EMC7: variants seen among roughly 807,000 people sequenced by gnomAD.
The protein encoded by EMC7 is ER membrane protein complex subunit 7.
In EMC7, 4 loss-of-function variants were observed where a neutral mutation model predicts 24.4. That is an observed-to-expected ratio of 0.16 (90% confidence interval 0.08 to 0.38). The LOEUF (loss-of-function observed/expected upper bound fraction) is 0.38, where lower values mean the gene tolerates loss of function less well. Ranked by LOEUF, EMC7 falls within the 10% of genes least tolerant of loss-of-function variation. The pLI is 1.00. For missense variants in EMC7, 221 were observed against 300.6 expected (o/e 0.74, Z 1.96); for synonymous variants, 106 against 112.0 (o/e 0.95, Z 0.34).
At chr15:34,098,457 C>CTTTTT (rs560201784) in intron 1 of EMC7, among the ~76,000 whole-genome samples, 30 of 132,304 alleles carry the variant, frequency 2.3e-4, no homozygotes, top group East Asian at 4.3e-4. Flanking sequence ...TTCTTTCTTT[C>CTTTTT]TTTTTTTTTT....
At chr15:34,093,567 T>C (rs1901011735) in intron 2 of EMC7, among the ~76,000 whole-genome samples, 1 of 150,576 alleles carries the variant, frequency 6.6e-6, no homozygotes, top group South Asian at 2.1e-4. Context: ...TAAAAAAAAA[T>C]ACAAGTATTC....
intron 3 of EMC7, among the ~76,000 whole-genome samples, chr15:34,088,665 G>A (rs1900929405): frequency 6.6e-6 from 1 of 151,920 alleles, no homozygotes; most frequent in African/African-American, 2.4e-5. Context: ...GAACATGGAA[G>A]GTGAATAAGC....
intron 3 of EMC7, among the ~76,000 whole-genome samples, chr15:34,089,727 CG>C (rs1567502093): frequency 6.6e-6 from 1 of 152,170 alleles, no homozygotes; most frequent in East Asian, 1.9e-4. Context: ...GAGGCCGAGG[CG>C]GGCAGATCAC....
At chr15:34,094,177 G>A (rs1015427851) in intron 2 of EMC7, among the ~76,000 whole-genome samples, 2 of 151,730 alleles carry the variant, frequency 1.3e-5, no homozygotes, top group African/African-American at 4.8e-5. Context: ...GGCCAAAGTG[G>A]GCAGATCACT....
intron 4 of EMC7, among the ~76,000 whole-genome samples, chr15:34,086,612 A>G (rs1900892910): frequency 6.6e-6 from 1 of 152,188 alleles, no homozygotes; most frequent in Admixed American, 6.5e-5. Context: ...TGTATTTAGT[A>G]GAGACGGGGT....
chr15:34,092,819 A>G (rs575546175), intron 2 of EMC7, among the ~76,000 whole-genome samples: 1 of 152,312 alleles, frequency 6.6e-6, no homozygotes, highest in African/African-American at 2.4e-5. Context: ...AAAGGCAATG[A>G]AAACTTTATA....
At chr15:34,099,811 C>G (rs753718247) in intron 1 of EMC7, among the ~76,000 whole-genome samples, 1 of 150,918 alleles carries the variant, frequency 6.6e-6, no homozygotes, top group Non-Finnish European at 1.5e-5. Context: ...CACTATGTTG[C>G]CCCAGCTGGT....
chr15:34,098,177 C>T (rs900407448), intron 1 of EMC7, among the ~76,000 whole-genome samples: 1 of 152,104 alleles, frequency 6.6e-6, no homozygotes, highest in African/African-American at 2.4e-5. Context: ...ACTGACAGGC[C>T]ACCTCTGACT....
In EMC7 at chr15:34,097,039, C is replaced by CTT. The variant is rs553769836; in HGVS notation, c.237-1027_237-1026dup. ...CAATTTTTGGTTTTCTGTTCTTCTT[C>CTT]TTTTTTTTTTTTGAGACGGAGTCTC... On this transcript the variant is annotated intron_variant, in intron 1 of 4. Transcript: ENST00000256545. Among the ~76,000 whole-genome samples the CTT allele has an allele frequency of 2.4e-4, 23 of 97,614 alleles. 3 individuals carry two copies. The East Asian group carries it at 2.4e-3, about 10-fold the overall frequency. The allele number at this position is 97,614 out of a possible 152,430, so 64.0% of individuals were successfully genotyped here.
Sources: allele counts gnomAD v4.1 joint callset (sites outside exome capture counted in the v4.1 genomes callset), GRCh38; gene constraint gnomAD v4.1.1; transcripts MANE v1.5; gene names NCBI Gene and HGNC (gene_info 2026-07-23, HGNC 2026-07-21).